Variants in DNAH14 observed in about 807,000 individuals in gnomAD.
DNAH14 encodes axonemal beta dynein heavy chain 14.
DNAH14 carries 478 observed loss-of-function variants against 520.9 expected under a neutral mutation model. The ratio of observed to expected loss-of-function variants is 0.92; its 90% confidence interval spans 0.85 to 0.99. The LOEUF (loss-of-function observed/expected upper bound fraction) is 0.99. DNAH14 is among the 50% of genes least tolerant of loss of function. DNAH14 has a pLI of 0.00. For missense variants in DNAH14, 4,831 were observed against 5,234.5 expected, an observed-to-expected ratio of 0.92 and a Z score of 2.38; for synonymous variants, 1,581 against 1,757.2, an observed-to-expected ratio of 0.90 and a Z score of 2.51.
chr1:225,182,849 A>G (rs1442941113), intron 36 of DNAH14, among the ~76,000 whole-genome samples: 1 of 152,184 alleles, frequency 6.6e-6, no homozygotes, highest in African/African-American at 2.4e-5. Context: ...TCCTGACCCA[A>G]TTCACCAATG....
At chr1:225,319,160 G>A (rs1574739643) in intron 61 of DNAH14, among the ~76,000 whole-genome samples, 1 of 152,210 alleles carries the variant, frequency 6.6e-6, no homozygotes, top group African/African-American at 2.4e-5. Context: ...TTACCACAAG[G>A]TGTCACTACA....
rs1179308340 is a variant in DNAH14, at chr1:225,259,187, C to G, written c.7091C>G (p.Ala2364Gly). The change falls in exon 46 of 86, where the codon GCA becomes GGA. Residue 2364 changes from alanine (A) to glycine (G), a missense_variant. Ala to Gly is a moderately conservative substitution (Grantham distance 60). Transcript: ENST00000682510. ...QMLEKLEGPGAFDIKHGSILG... is the reference protein window; with the variant it reads ...QMLEKLEGPGGFDIKHGSILG... ...CTTGAAAAGCTAGAGGGTCCAGGAG[C>G]ATTTGACATAAAACATGGTTCAATT... The G allele has an allele frequency of 1.9e-6, 3 of 1,545,292 alleles. No homozygotes were observed. The highest frequency in any genetic ancestry group is 1.4e-5 in the African/African-American group (1 of 72,560).
intron 17 of DNAH14, among the ~76,000 whole-genome samples, chr1:225,075,903 C>T (rs2072210168): frequency 6.6e-6 from 1 of 152,146 alleles, no homozygotes; most frequent in South Asian, 2.1e-4. Context: ...AAGCCCTTTA[C>T]TAGTCAGCCT....
At chr1:225,246,895 A>G (rs937043463) in intron 43 of DNAH14, among the ~76,000 whole-genome samples, 1 of 152,376 alleles carries the variant, frequency 6.6e-6, no homozygotes. Flanking sequence ...CCAAAGGAAT[A>G]TAATCATTCT....
intron 4 of DNAH14, 110 bp downstream of exon 4, chr1:224,960,412 G>C: frequency 8.4e-7 from 1 of 1,187,110 alleles, no homozygotes; most frequent in South Asian, 2.5e-5. Flanking sequence ...CAGTCTTACT[G>C]AATTTTATGT....
intron 1 of DNAH14, among the ~76,000 whole-genome samples, chr1:224,950,815 A>G (rs950494896): frequency 6.6e-6 from 1 of 152,234 alleles, no homozygotes; most frequent in Admixed American, 6.5e-5. Flanking sequence ...ATCCCAGTTA[A>G]GTGAGATGTT....
chr1:225,273,856 G>T (rs1048668944), intron 52 of DNAH14, among the ~76,000 whole-genome samples: 1 of 152,156 alleles, frequency 6.6e-6, no homozygotes, highest in African/African-American at 2.4e-5. Context: ...TCCATTACTA[G>T]AATTTTTTGC....
intron 10 of DNAH14, among the ~76,000 whole-genome samples, chr1:225,007,864 G>C (rs1358946273): frequency 3.3e-5 from 5 of 151,640 alleles, no homozygotes; most frequent in Non-Finnish European, 7.4e-5. Context: ...CACCTAGAAG[G>C]CCTGATAAAA....
chr1:225,326,595 A>G (rs191245871), intron 64 of DNAH14, among the ~76,000 whole-genome samples: 8 of 152,292 alleles, frequency 5.3e-5, no homozygotes, highest in Non-Finnish European at 7.4e-5. Flanking sequence ...ACCACTGAAT[A>G]TCAGCCCTAT....
At chr1:225,316,812 A>G (rs1401170552) in intron 60 of DNAH14, among the ~76,000 whole-genome samples, 2 of 152,148 alleles carry the variant, frequency 1.3e-5, no homozygotes, top group Admixed American at 6.5e-5. Context: ...TCTTGGCCCA[A>G]TCATGCCACA....
At chr1:224,988,095 T>G (rs753490007) in intron 8 of DNAH14, among the ~76,000 whole-genome samples, 2 of 151,962 alleles carry the variant, frequency 1.3e-5, no homozygotes, top group Non-Finnish European at 2.9e-5. Flanking sequence ...GTTGTTTCCC[T>G]CTCTGTGTCC....
chr1:224,944,957 G>C (rs931371806), intron 1 of DNAH14, among the ~76,000 whole-genome samples: 2 of 152,138 alleles, frequency 1.3e-5, no homozygotes, highest in African/African-American at 4.8e-5. Flanking sequence ...TGGTGAATCT[G>C]ACAGTTATGT....
chr1:225,147,954 G>A (rs2080108665), intron 31 of DNAH14, among the ~76,000 whole-genome samples: 2 of 152,142 alleles, frequency 1.3e-5, no homozygotes, highest in Admixed American at 1.3e-4. Flanking sequence ...TTCCTGCAAA[G>A]GACATGATCT....
chr1:225,244,651 A>G (rs1209140625), intron 43 of DNAH14, among the ~76,000 whole-genome samples: 12 of 152,118 alleles, frequency 7.9e-5, no homozygotes, highest in African/African-American at 2.9e-4. Context: ...AGGTTTTTAT[A>G]TTAATCTCTG....
intron 17 of DNAH14, among the ~76,000 whole-genome samples, chr1:225,053,158 C>T (rs1167420335): frequency 6.6e-6 from 1 of 152,036 alleles, no homozygotes; most frequent in Admixed American, 6.6e-5. Flanking sequence ...AGTCTTTTAA[C>T]TGGGAGCATG....
At chr1:225,025,879 A>G (rs1331726909) in intron 11 of DNAH14, among the ~76,000 whole-genome samples, 3 of 152,182 alleles carry the variant, frequency 2.0e-5, no homozygotes, top group Non-Finnish European at 4.4e-5. Context: ...ATTGATTAGT[A>G]TAATATTTCC....
chr1:225,384,150 C>T (rs1245008159), intron 81 of DNAH14, among the ~76,000 whole-genome samples: 1 of 152,190 alleles, frequency 6.6e-6, no homozygotes, highest in African/African-American at 2.4e-5. Flanking sequence ...GAGTGCTTTA[C>T]TTCCAACTAT....
intron 41 of DNAH14, among the ~76,000 whole-genome samples, chr1:225,211,731 G>C (rs1185307969): frequency 6.6e-6 from 1 of 152,024 alleles, no homozygotes; most frequent in Non-Finnish European, 1.5e-5. Context: ...AAAATCTTAA[G>C]GGCAACCAGA....
intron 55 of DNAH14, among the ~76,000 whole-genome samples, chr1:225,290,586 CAT>C (rs1422960995): frequency 3.2e-5 from 4 of 126,564 alleles, no homozygotes; most frequent in African/African-American, 8.6e-5. Context: ...TTATTTTTGT[CAT>C]ATATATATGT....
Sources: allele counts gnomAD v4.1 joint callset (sites outside exome capture counted in the v4.1 genomes callset), GRCh38; gene constraint gnomAD v4.1.1; transcripts MANE v1.5; gene names NCBI Gene and HGNC (gene_info 2026-07-23, HGNC 2026-07-21).